PPFIA2: variants seen among roughly 807,000 people sequenced by gnomAD.
The protein encoded by PPFIA2 is liprin-alpha-2.
Under a neutral mutation model 175.5 loss-of-function variants are expected in PPFIA2, and 46 were observed. The ratio of observed to expected loss-of-function variants is 0.26; its 90% CI spans 0.21 to 0.34. PPFIA2 has a LOEUF of 0.34. PPFIA2 is among the 10% of genes least tolerant of loss of function. The pLI is 1.00. For missense variants in PPFIA2, 1,179 were observed against 1,506.1 expected (o/e 0.78, Z 3.60); for synonymous variants, 568 against 511.4 (o/e 1.11, Z -1.49).
chr12:81,378,412 A>C (rs759593252), intron 9 of PPFIA2, among the ~76,000 whole-genome samples: 3 of 152,130 alleles, frequency 2.0e-5, no homozygotes, highest in Non-Finnish European at 2.9e-5. Flanking sequence ...ATAAAAAATT[A>C]AATTTAATCT....
intron 7 of PPFIA2, among the ~76,000 whole-genome samples, chr12:81,425,160 T>A (rs1592777229): frequency 6.6e-6 from 1 of 152,164 alleles, no homozygotes; most frequent in Admixed American, 6.5e-5. Flanking sequence ...ACATTTTCAC[T>A]GTTAATAACA....
At chr12:81,441,835 T>C (rs1176432086) in intron 6 of PPFIA2, among the ~76,000 whole-genome samples, 5 of 152,054 alleles carry the variant, frequency 3.3e-5, no homozygotes, top group Non-Finnish European at 2.9e-5. Context: ...AACAGCAATA[T>C]GAAGCAATCT....
intron 5 of PPFIA2, among the ~76,000 whole-genome samples, chr12:81,447,362 T>C (rs1030508525): frequency 5.3e-5 from 8 of 152,190 alleles, no homozygotes; most frequent in African/African-American, 1.9e-4. Context: ...TGTCAATCTT[T>C]CGCTGGCAAA....
chr12:81,674,536 C>T (rs559104310), intron 4 of PPFIA2, among the ~76,000 whole-genome samples: 3 of 152,024 alleles, frequency 2.0e-5, no homozygotes, highest in East Asian at 2.0e-4. Flanking sequence ...GGCATGCTGG[C>T]GCATGCCTGT....
intron 4 of PPFIA2, among the ~76,000 whole-genome samples, chr12:81,562,553 G>A (rs1020587144): frequency 1.3e-5 from 2 of 152,146 alleles, no homozygotes; most frequent in Non-Finnish European, 2.9e-5. Context: ...CATTTTGTAA[G>A]AGAGTATGTT....
chr12:81,529,692 G>A (rs1192314261), intron 4 of PPFIA2, among the ~76,000 whole-genome samples: 1 of 151,966 alleles, frequency 6.6e-6, no homozygotes, highest in African/African-American at 2.4e-5. Context: ...TTCAATGGGG[G>A]TTGGCTAACT....
At chr12:81,440,084 C>A in intron 6 of PPFIA2, 38 bp from the exon 7 acceptor site, 4 of 1,405,066 alleles carry the variant, frequency 2.8e-6, no homozygotes, top group South Asian at 2.5e-5. Flanking sequence ...TAATGTACAT[C>A]CCATACATAT....
chr12:81,674,199 C>T (rs1330594386), intron 4 of PPFIA2, among the ~76,000 whole-genome samples: 1 of 151,984 alleles, frequency 6.6e-6, no homozygotes, highest in Non-Finnish European at 1.5e-5. Context: ...TTCTATTACA[C>T]TGGCAAAGAA....
At position 81,259,422 on chromosome 12, in the gene PPFIA2, G is replaced by T; in HGVS notation, c.*272C>A. 1.5e-6 allele frequency: 1 copy of T among 659,250 alleles called. No homozygotes were observed. The highest frequency in any genetic ancestry group is 2.7e-6 in the Non-Finnish European group (1 of 365,910). 40.8% of individuals were successfully genotyped at this position (659,250 alleles called of 1,614,324 possible). A position where few individuals can be genotyped will look rare whatever the true frequency, so the allele number is the denominator to read the frequency against. ...CTGGCTTCATTTCATAAAAGCATCT[G>T]TTGTACAGAGTTTATGATGTAGATG... On this transcript the variant is annotated 3_prime_UTR_variant, in exon 33 of 33. Coordinates refer to ENST00000549396, the MANE Select transcript of PPFIA2 (RefSeq NM_003625.5).
intron 4 of PPFIA2, among the ~76,000 whole-genome samples, chr12:81,463,900 G>GAA (rs1267417547): frequency 1.3e-5 from 2 of 151,868 alleles, no homozygotes; most frequent in Non-Finnish European, 2.9e-5. Context: ...TTAAAATTTT[G>GAA]AAAGTATCAT....
chr12:81,515,339 A>G (rs1237448883), intron 4 of PPFIA2, among the ~76,000 whole-genome samples: 2 of 151,974 alleles, frequency 1.3e-5, no homozygotes, highest in African/African-American at 2.4e-5. Flanking sequence ...AATCTTGAAG[A>G]TTACCCAACA....
At chr12:81,664,051 A>C (rs535442866) in intron 4 of PPFIA2, among the ~76,000 whole-genome samples, 1 of 152,348 alleles carries the variant, frequency 6.6e-6, no homozygotes, top group East Asian at 1.9e-4. Context: ...ACATGGATTA[A>C]AGACTTAAAT....
intron 28 of PPFIA2, among the ~76,000 whole-genome samples, chr12:81,276,121 T>C (rs1565862800): frequency 6.6e-6 from 1 of 152,034 alleles, no homozygotes; most frequent in Admixed American, 6.5e-5. Context: ...ATTGATTATT[T>C]TTAGCAAAAA....
At chr12:81,381,399 G>C (rs1264799059) in intron 9 of PPFIA2, among the ~76,000 whole-genome samples, 1 of 152,128 alleles carries the variant, frequency 6.6e-6, no homozygotes, top group African/African-American at 2.4e-5. Flanking sequence ...GTATCAAGGA[G>C]TTATTTTTAA....
At chr12:81,394,628 G>A (rs530428973) in intron 8 of PPFIA2, among the ~76,000 whole-genome samples, 2 of 152,016 alleles carry the variant, frequency 1.3e-5, no homozygotes, top group East Asian at 1.9e-4. Flanking sequence ...CACAGGGAGG[G>A]GAACATCACA....
chr12:81,462,656 A>T (rs887936354), intron 4 of PPFIA2, among the ~76,000 whole-genome samples: 1 of 148,566 alleles, frequency 6.7e-6, no homozygotes. Context: ...TTATTCAGAA[A>T]ATCTTCTCTG....
At chr12:81,389,144 TAC>T (rs756564805) in intron 8 of PPFIA2, among the ~76,000 whole-genome samples, 22 of 140,786 alleles carry the variant, frequency 1.6e-4, no homozygotes, top group African/African-American at 5.5e-4. Flanking sequence ...TATATATATA[TAC>T]ACACACACAT....
intron 4 of PPFIA2, among the ~76,000 whole-genome samples, chr12:81,600,976 T>C (rs902218241): frequency 6.6e-6 from 1 of 151,964 alleles, no homozygotes; most frequent in Non-Finnish European, 1.5e-5. Context: ...TCAAATGTTT[T>C]TGGTAAAATA....
intron 22 of PPFIA2, among the ~76,000 whole-genome samples, chr12:81,306,009 C>G (rs924590081): frequency 2.0e-5 from 3 of 152,160 alleles, no homozygotes; most frequent in Non-Finnish European, 4.4e-5. Flanking sequence ...TTCTGGGATG[C>G]CAATTTGTGG....
Sources: allele counts gnomAD v4.1 joint callset (sites outside exome capture counted in the v4.1 genomes callset), GRCh38; gene constraint gnomAD v4.1.1; transcripts MANE v1.5; gene names NCBI Gene and HGNC (gene_info 2026-07-23, HGNC 2026-07-21).